Variants in PPP2R3A observed in about 807,000 individuals in gnomAD.
The protein encoded by PPP2R3A is serine/threonine-protein phosphatase 2A regulatory subunit B'' subunit alpha.
In PPP2R3A, 80 loss-of-function variants were observed where a neutral mutation model predicts 106.9. The observed-to-expected ratio is 0.75, with a 90% CI of 0.62 to 0.90. The LOEUF (loss-of-function observed/expected upper bound fraction) is 0.90, where lower values mean the gene tolerates loss of function less well. Ranked by LOEUF, PPP2R3A falls within the 40% of genes least tolerant of loss-of-function variation. The probability of loss-of-function intolerance (pLI) is 0.00; values close to 1 mark genes in which losing one functional copy is unlikely to be tolerated. For missense variants in PPP2R3A, 1,386 were observed against 1,350.4 expected (o/e 1.03, Z -0.41); for synonymous variants, 483 against 468.3 (o/e 1.03, Z -0.41).
At chr3:136,101,199 T>G (rs1937350344) in intron 10 of PPP2R3A, among the ~76,000 whole-genome samples, 1 of 152,144 alleles carries the variant, frequency 6.6e-6, no homozygotes, top group South Asian at 2.1e-4. Context: ...TGAGTGTGGA[T>G]TTAGACAACT....
At chr3:136,094,338 T>C (rs1459236278) in intron 10 of PPP2R3A, among the ~76,000 whole-genome samples, 1 of 152,168 alleles carries the variant, frequency 6.6e-6, no homozygotes, top group African/African-American at 2.4e-5. Context: ...AACCCTTGAA[T>C]TGTACATTTT....
At chr3:136,033,872 T>G (rs1934992639) in intron 3 of PPP2R3A, among the ~76,000 whole-genome samples, 1 of 151,984 alleles carries the variant, frequency 6.6e-6, no homozygotes, top group Non-Finnish European at 1.5e-5. Context: ...TTTTTTTCTT[T>G]TGTATTATTT....
chr3:136,060,368 C>A (rs1034417719), intron 5 of PPP2R3A, among the ~76,000 whole-genome samples: 1 of 152,118 alleles, frequency 6.6e-6, no homozygotes, highest in African/African-American at 2.4e-5. Flanking sequence ...TATGGTTTAG[C>A]TCTGTGTCCC....
At chr3:136,098,186 C>G (rs1937261102) in intron 10 of PPP2R3A, among the ~76,000 whole-genome samples, 1 of 152,198 alleles carries the variant, frequency 6.6e-6, no homozygotes, top group Non-Finnish European at 1.5e-5. Context: ...TGTGGTGGTA[C>G]ATGCCTCTGG....
intron 13 of PPP2R3A, among the ~76,000 whole-genome samples, chr3:136,138,237 A>G (rs1297777406): frequency 1.3e-5 from 2 of 152,180 alleles, no homozygotes; most frequent in African/African-American, 4.8e-5. Context: ...AATTTATTTC[A>G]ACAGATATTT....
At chr3:136,004,042 T>C (rs958277629) in intron 2 of PPP2R3A, among the ~76,000 whole-genome samples, 2 of 152,214 alleles carry the variant, frequency 1.3e-5, no homozygotes, top group African/African-American at 4.8e-5. Context: ...TTCATGAGCA[T>C]GTGAACACCA....
At chr3:136,138,940 A>G (rs1158264743) in intron 13 of PPP2R3A, among the ~76,000 whole-genome samples, 2 of 151,504 alleles carry the variant, frequency 1.3e-5, no homozygotes, top group African/African-American at 4.8e-5. Context: ...CGAACTCCCA[A>G]CCTCAGGTGA....
At chr3:136,053,140 G>C (rs143330922) in intron 5 of PPP2R3A, among the ~76,000 whole-genome samples, 26 of 152,306 alleles carry the variant, frequency 1.7e-4, no homozygotes, top group African/African-American at 6.0e-4. Context: ...AGGGTGGAAG[G>C]TGGAAAGAGG....
intron 1 of PPP2R3A, among the ~76,000 whole-genome samples, chr3:135,973,236 A>T (rs188685537): frequency 1.3e-5 from 2 of 152,344 alleles, no homozygotes; most frequent in East Asian, 3.9e-4. Context: ...AATGAAAGTG[A>T]TAAAAACACT....
chr3:136,006,328 A>G (rs529484647), intron 2 of PPP2R3A, among the ~76,000 whole-genome samples: 1 of 152,386 alleles, frequency 6.6e-6, no homozygotes, highest in Middle Eastern at 3.4e-3. Context: ...GAAGATGCTT[A>G]ATGCAAGAAG....
intron 2 of PPP2R3A, among the ~76,000 whole-genome samples, chr3:136,023,613 C>T (rs569855544): frequency 2.0e-5 from 3 of 152,136 alleles, no homozygotes; most frequent in South Asian, 2.1e-4. Flanking sequence ...TATATATTAG[C>T]GTGCATACAC....
At chr3:135,984,258 A>G (rs907198706) in intron 1 of PPP2R3A, among the ~76,000 whole-genome samples, 1 of 152,204 alleles carries the variant, frequency 6.6e-6, no homozygotes. Context: ...ATATAGACAT[A>G]GTATATGACA....
intron 2 of PPP2R3A, among the ~76,000 whole-genome samples, chr3:136,016,448 C>G (rs1934270043): frequency 6.6e-6 from 1 of 152,110 alleles, no homozygotes. Context: ...GTGTTGCTAT[C>G]TGTCTCCTTT....
intron 1 of PPP2R3A, among the ~76,000 whole-genome samples, chr3:135,983,289 T>C (rs1353143966): frequency 1.3e-5 from 2 of 152,194 alleles, no homozygotes; most frequent in Admixed American, 1.3e-4. Flanking sequence ...TAAGAAAATA[T>C]TATTGAATTT....
chr3:136,136,539 G>T (rs1315711622), intron 13 of PPP2R3A, among the ~76,000 whole-genome samples: 2 of 151,996 alleles, frequency 1.3e-5, no homozygotes, highest in Non-Finnish European at 2.9e-5. Context: ...GTATATTAAT[G>T]CTAAAAAAAA....
At chr3:136,034,036 T>C (rs1190052791) in intron 3 of PPP2R3A, among the ~76,000 whole-genome samples, 2 of 141,128 alleles carry the variant, frequency 1.4e-5, no homozygotes, top group East Asian at 2.0e-4. Flanking sequence ...TCTTTTTCTT[T>C]TTCTTTTTTT....
chr3:136,142,267 A>G (rs1288675661), intron 13 of PPP2R3A, among the ~76,000 whole-genome samples: 2 of 152,168 alleles, frequency 1.3e-5, no homozygotes, highest in Admixed American at 1.3e-4. Context: ...TAGGATGTTT[A>G]GCACCATCCC....
chr3:136,002,927 T>C lies in PPP2R3A; in HGVS notation c.1429T>C (p.Phe477Leu), dbSNP rs1933696005. The change falls in exon 2 of 14, where the codon TTT becomes CTT. Residue 477 changes from phenylalanine (F) to leucine (L), a missense_variant. Coordinates refer to ENST00000264977, the MANE Select transcript of PPP2R3A (RefSeq NM_002718.5). The stretch of plus-strand genomic sequence containing the variant: ...AATTGGTAAGATATTTGAGAAATCA[T>C]TTGTTAATCTACCTAAGGAAGACTG... The part of the protein sequence containing the change: ...NEIGKIFEKS[F>L]VNLPKEDCKS... The C allele has an allele frequency of 6.2e-7, 1 of 1,611,718 alleles. No individual in the cohort carries two copies. Among genetic ancestry groups the C allele is most frequent in the African/African-American group, 1.3e-5 (1 of 74,684 alleles).
intron 6 of PPP2R3A, among the ~76,000 whole-genome samples, chr3:136,072,058 C>T (rs1314841177): frequency 6.6e-6 from 1 of 152,082 alleles, no homozygotes; most frequent in Admixed American, 6.6e-5. Context: ...TTCTTCTTAG[C>T]TCCTATCATC....
Sources: allele counts gnomAD v4.1 joint callset (sites outside exome capture counted in the v4.1 genomes callset), GRCh38; gene constraint gnomAD v4.1.1; transcripts MANE v1.5; gene names NCBI Gene and HGNC (gene_info 2026-07-23, HGNC 2026-07-21).